Variants in DMD observed in about 807,000 individuals in gnomAD.
DMD encodes mutant dystrophin.
Under a neutral mutation model 330.1 loss-of-function variants are expected in DMD, and 63 were observed. The observed-to-expected ratio is 0.19, with a 90% CI of 0.16 to 0.24. The LOEUF (loss-of-function observed/expected upper bound fraction) is 0.24. DMD is among the 10% of genes least tolerant of loss of function. DMD has a pLI of 1.00. For synonymous variants in DMD, 1,223 were observed against 959.8 expected (o/e 1.27, Z -5.07); for missense variants, 3,344 against 2,684.1 (o/e 1.25, Z -5.43).
intron 13 of DMD, among the ~76,000 whole-genome samples, chrX:32,580,586 G>A (rs757034245): frequency 9.0e-6 from 1 of 111,618 alleles, no homozygotes. Context: ...TTATTGAGAT[G>A]CTTGTGATAG....
intron 44 of DMD, among the ~76,000 whole-genome samples, chrX:32,047,294 A>G (rs1035419017): frequency 9.0e-6 from 1 of 111,657 alleles, no homozygotes; most frequent in Non-Finnish European, 1.9e-5. Flanking sequence ...TAAATAGATG[A>G]CAGAGAAAGA....
intron 61 of DMD, among the ~76,000 whole-genome samples, chrX:31,342,811 C>T (rs2057847126): frequency 8.9e-6 from 1 of 112,086 alleles, no homozygotes; most frequent in Admixed American, 9.5e-5. Context: ...GAGTCTCTCT[C>T]TATCACCCAG....
chrX:31,249,503 C>A, intron 63 of DMD, among the ~76,000 whole-genome samples: 2 of 111,432 alleles, frequency 1.8e-5, no homozygotes, highest in Non-Finnish European at 3.8e-5. Flanking sequence ...CCTCGGCCTC[C>A]CAAAGTGTAG....
At chrX:32,186,446 G>T (rs1300559869) in intron 44 of DMD, among the ~76,000 whole-genome samples, 6 of 111,438 alleles carry the variant, frequency 5.4e-5, no homozygotes, top group African/African-American at 2.0e-4. Context: ...TATAGATAAA[G>T]ATCAACAATT....
intron 44 of DMD, among the ~76,000 whole-genome samples, chrX:32,088,677 A>AGTGT (rs34596391): frequency 0.022 from 2,190 of 97,350 alleles, 67 homozygotes; most frequent in African/African-American, 0.062. Flanking sequence ...ATAGCTCTGA[A>AGTGT]GTGTGTGTGT....
rs186864555 is a variant in DMD at position 32,393,643 on chromosome X, T to C, written c.4234-3462A>G. On this transcript the variant is annotated intron_variant, in intron 30 of 78. Coordinates refer to ENST00000357033, the MANE Select transcript of DMD (RefSeq NM_004006.3). ...CAGGGTACATTTGTATAATATGTAT[T>C]TTTTCAGTGTTTTCAAGCGTTAGAG... Among the ~76,000 whole-genome samples, 4 of 111,070 alleles carry C rather than the reference T, an allele frequency of 3.6e-5. No individual in the cohort carries two copies. The Admixed American group carries it at 3.8e-4, about 11-fold the overall frequency.
At chrX:31,341,887 G>GCACACACACACACACA (rs1569529198) in intron 61 of DMD, among the ~76,000 whole-genome samples, 2 of 67,288 alleles carry the variant, frequency 3.0e-5, no homozygotes, top group Admixed American at 1.5e-4. Context: ...GTGCGTGCGC[G>GCACACACACACACACA]CGCGCACACA....
intron 2 of DMD, among the ~76,000 whole-genome samples, chrX:32,915,091 A>G (rs1284217879): frequency 9.0e-6 from 1 of 111,162 alleles, no homozygotes; most frequent in Admixed American, 9.7e-5. Flanking sequence ...ATCTGATAAA[A>G]CATTTAAAAA....
intron 77 of DMD, 143 bp from the exon 78 acceptor site, chrX:31,126,816 A>AAC: frequency 2.0e-6 from 1 of 492,871 alleles, no homozygotes; most frequent in East Asian, 3.7e-5. Flanking sequence ...AAAAAAAAAA[A>AAC]AAAAAAAACA....
intron 9 of DMD, among the ~76,000 whole-genome samples, chrX:32,692,603 G>T (rs1244085058): frequency 9.0e-6 from 1 of 111,499 alleles, no homozygotes; most frequent in Non-Finnish European, 1.9e-5. Context: ...TTTATAAAAG[G>T]CATTACTATG....
At chrX:31,853,075 G>A (rs1185038147) in intron 48 of DMD, among the ~76,000 whole-genome samples, 1 of 111,950 alleles carries the variant, frequency 8.9e-6, no homozygotes, top group Non-Finnish European at 1.9e-5. Context: ...GTACAGACGG[G>A]GTTTTGCCAT....
rs1196303031 is a variant in DMD, at chrX:31,120,095, T to C, written c.*1824A>G. ...TGATGTCAGCCCACTCTCCAAAAGC[T>C]AATTACACTTGATGTCAGAGGTAAC... On this transcript the variant is annotated 3_prime_UTR_variant, in exon 79 of 79. Coordinates refer to ENST00000357033, the MANE Select transcript of DMD (RefSeq NM_004006.3). 2 of 111,421 alleles carry C rather than the reference T, an allele frequency of 1.8e-5. No individual in the cohort carries two copies. Among genetic ancestry groups the C allele is most frequent in the Admixed American group, 1.9e-4 (2 of 10,324 alleles). The allele number at this position is 111,421 out of a possible 1,213,427, so 9.2% of individuals were successfully genotyped here.
chrX:32,049,372 G>A (rs1043747188), intron 44 of DMD, among the ~76,000 whole-genome samples: 2 of 111,376 alleles, frequency 1.8e-5, no homozygotes, highest in Non-Finnish European at 3.8e-5. Context: ...ATGCATAACC[G>A]CAACTACAAG....
intron 44 of DMD, among the ~76,000 whole-genome samples, chrX:32,130,946 A>G (rs1203526328): frequency 8.9e-6 from 1 of 111,965 alleles, no homozygotes; most frequent in African/African-American, 3.3e-5. Context: ...GCACTTTGGG[A>G]GGCCGTGGAG....
chrX:32,171,465 G>T (rs924903859), intron 44 of DMD, among the ~76,000 whole-genome samples: 1 of 111,513 alleles, frequency 9.0e-6, no homozygotes, highest in Non-Finnish European at 1.9e-5. Context: ...TAATGCTTCT[G>T]TTGCTAATTT....
intron 1 of DMD, among the ~76,000 whole-genome samples, chrX:33,124,082 C>G (rs1327401548): frequency 9.1e-6 from 1 of 110,344 alleles, no homozygotes; most frequent in Non-Finnish European, 1.9e-5. Context: ...AGAAGAATTG[C>G]TTGAACCCAG....
At chrX:31,823,360 C>T (rs1387253379) in intron 49 of DMD, among the ~76,000 whole-genome samples, 1 of 111,948 alleles carries the variant, frequency 8.9e-6, no homozygotes, top group Non-Finnish European at 1.9e-5. Context: ...TTCTTTATAT[C>T]CAGTCTAGTG....
intron 4 of DMD, among the ~76,000 whole-genome samples, chrX:32,825,596 A>G (rs143562306): frequency 0.016 from 1,807 of 112,271 alleles, 42 homozygotes; most frequent in African/African-American, 0.055. Context: ...ATTATTCACA[A>G]TAGCCAAAAT....
intron 2 of DMD, among the ~76,000 whole-genome samples, chrX:32,943,533 CT>C (rs1307865248): frequency 9.0e-6 from 1 of 111,096 alleles, no homozygotes; most frequent in Non-Finnish European, 1.9e-5. Context: ...AATTTCCCTT[CT>C]TTAGAGATAT....
Sources: allele counts gnomAD v4.1 joint callset (sites outside exome capture counted in the v4.1 genomes callset), GRCh38; gene constraint gnomAD v4.1.1; transcripts MANE v1.5; gene names NCBI Gene and HGNC (gene_info 2026-07-23, HGNC 2026-07-21).